PCDHGA4: variants seen among roughly 807,000 people sequenced by gnomAD.
The protein encoded by PCDHGA4 is protocadherin gamma subfamily A, 4.
A neutral mutation model predicts 54.6 loss-of-function variants in PCDHGA4; 38 were observed. The ratio of observed to expected loss-of-function variants is 0.70; its 90% CI spans 0.54 to 0.91. PCDHGA4 has a LOEUF of 0.91. Ranked by LOEUF, PCDHGA4 falls within the 40% of genes least tolerant of loss-of-function variation. PCDHGA4 has a pLI of 0.00. For synonymous variants in PCDHGA4, 511 were observed against 512.9 expected (o/e 1.00, Z 0.05); for missense variants, 1,298 against 1,220.9 (o/e 1.06, Z -0.94).
At chr5:141,397,810 A>G (rs2093570260) in intron 1 of PCDHGA4, among the ~76,000 whole-genome samples, 1 of 152,218 alleles carries the variant, frequency 6.6e-6, no homozygotes. Context: ...TAGGCACACA[A>G]AAACAATTAC....
At chr5:141,361,450 A>T in intron 1 of PCDHGA4, 1 of 1,613,960 alleles carries the variant, frequency 6.2e-7, no homozygotes, top group East Asian at 2.2e-5. Flanking sequence ...CATAATTGTC[A>T]CCCTGCACAT....
At chr5:141,428,147 G>C (rs771536400) in intron 1 of PCDHGA4, 1 of 1,589,612 alleles carries the variant, frequency 6.3e-7, no homozygotes, top group Admixed American at 1.7e-5. Flanking sequence ...GGCTGCACAC[G>C]GGAACCTGCT....
In PCDHGA4 at chr5:141,398,664, A is replaced by G. The variant is rs762356100; in HGVS notation, c.2514+41043A>G. The G allele has an allele frequency of 4.3e-6, 7 of 1,612,604 alleles. No individual in the cohort carries two copies. In the East Asian group the frequency reaches 8.9e-5, roughly 21 times the overall value. ...AACTCTCTCTTAACCCAAGTTTCTC[A>G]TTAATAATTAAGGAGAAACAGGATG... On this transcript the variant is annotated intron_variant, in intron 1 of 3. Transcript: ENST00000571252.
rs1228836363 is a variant in PCDHGA4, at chr5:141,355,205, C to T, written c.98C>T (p.Ala33Val). Residue 33 changes from alanine to valine, a missense_variant, in exon 1 of 4, where the codon GCG becomes GTG. Physicochemically the swap from Ala to Val is moderately conservative, Grantham distance 64 (BLOSUM62 0). Transcript: ENST00000571252. ...CGACTCCGCGGCGGGGTTGTAATGG[C>T]GGCGCCTCCTGCTCGCCCAGACCAC... Reference protein sequence around the residue: ...HRRLRGGVVMAAPPARPDHTR... With the variant: ...HRRLRGGVVMVAPPARPDHTR... 2 of 1,597,330 alleles carry T rather than the reference C, an allele frequency of 1.3e-6. No individual in the cohort carries two copies. Among genetic ancestry groups the T allele is most frequent in the East Asian group, 2.2e-5 (1 of 44,694 alleles).
chr5:141,446,482 CT>C (rs112180482), intron 1 of PCDHGA4, among the ~76,000 whole-genome samples: 30,290 of 146,632 alleles, frequency 0.21, 3,322 homozygotes, highest in African/African-American at 0.31. Flanking sequence ...GGTCATCATT[CT>C]TTTTTTTTTT....
At chr5:141,399,315 T>C in intron 1 of PCDHGA4, 2 of 1,613,878 alleles carry the variant, frequency 1.2e-6, no homozygotes, top group Non-Finnish European at 8.5e-7. Flanking sequence ...CATCCAAAAA[T>C]TCGTATAAGT....
chr5:141,441,633 C>T, intron 1 of PCDHGA4: 1 of 226,756 alleles, frequency 4.4e-6, no homozygotes, highest in Non-Finnish European at 8.9e-6. Flanking sequence ...CCTGGAGCCA[C>T]AGGCGCTGTG....
chr5:141,415,599 C>G (rs201075690), intron 1 of PCDHGA4: 321 of 1,613,514 alleles, frequency 2.0e-4, no homozygotes, highest in South Asian at 6.6e-4. Context: ...TAGAGGATAC[C>G]CCATTGGTTC....
chr5:141,413,352 G>C lies in PCDHGA4; in HGVS notation c.2514+55731G>C, dbSNP rs896091511. ...ACATCTCCAAGGACTTGGGTCTGGC[G>C]CCCCGGGAGCTGGCGGAGCGCGGAG... On this transcript the variant is annotated intron_variant, in intron 1 of 3. Coordinates refer to ENST00000571252, the MANE Select transcript of PCDHGA4 (RefSeq NM_018917.4). 1.9e-6 allele frequency: 3 copies of C among 1,613,858 alleles called. No homozygotes were observed. In the African/African-American group the frequency reaches 4.0e-5, roughly 22 times the overall value.
chr5:141,375,017 T>TC lies in PCDHGA4; in HGVS notation c.2514+17397dup, dbSNP rs772354381. The TC allele has an allele frequency of 6.2e-6, 10 of 1,614,032 alleles. No individual in the cohort carries two copies. The South Asian group carries it at 1.1e-4, about 18-fold the overall frequency. The stretch of plus-strand genomic sequence containing the variant: ...TTCTGCAAATCTAGACTATGAGGAC[T>TC]CGAGTTTTTATGAGCTGGGTGTTGA... On this transcript the variant is annotated intron_variant, in intron 1 of 3. Transcript: ENST00000571252.
intron 1 of PCDHGA4, chr5:141,423,368 C>A: frequency 3.1e-6 from 5 of 1,614,200 alleles, no homozygotes; most frequent in Non-Finnish European, 4.2e-6. Context: ...GTGCTGCTGG[C>A]ACTCAGGCTG....
chr5:141,392,762 G>A lies in PCDHGA4; in HGVS notation c.2514+35141G>A, dbSNP rs1033759244. 8.8e-6 allele frequency: 13 copies of A among 1,478,030 alleles called. No individual in the cohort carries two copies. The African/African-American group carries it at 1.3e-4, about 14-fold the overall frequency. The allele number at this position is 1,478,030 out of a possible 1,614,324, so 91.6% of individuals were successfully genotyped here. ...ATAGCTGCGGCAAGAAACTAAATAA[G>A]ACCCATTTATGCACAGTGAAGATTC... On this transcript the variant is annotated intron_variant, in intron 1 of 3. Coordinates refer to ENST00000571252, the MANE Select transcript of PCDHGA4 (RefSeq NM_018917.4).
chr5:141,476,697 C>T lies in PCDHGA4; in HGVS notation c.2515-18110C>T, dbSNP rs758302668. The T allele has an allele frequency of 2.5e-6, 4 of 1,614,110 alleles. No individual in the cohort carries two copies. The highest frequency in any genetic ancestry group is 2.2e-5 in the South Asian group (2 of 91,088). The stretch of plus-strand genomic sequence containing the variant: ...ACGCGGGAGGACAGCACCAAGTACG[C>T]GGAGCTGGTGTTGGAGCGCGCCCTG... On this transcript the variant is annotated intron_variant, in intron 1 of 3. Coordinates refer to ENST00000571252, the MANE Select transcript of PCDHGA4 (RefSeq NM_018917.4). The surrounding 1 kb of genome is among the most constrained non-coding windows in gnomAD (Gnocchi z 7.6).
In PCDHGA4 at chr5:141,394,383, C is replaced by G. The variant is rs2092989606; in HGVS notation, c.2514+36762C>G. The G allele has an allele frequency of 3.1e-6, 5 of 1,614,118 alleles. No homozygotes were observed. In the Admixed American group the frequency reaches 5.0e-5, roughly 16 times the overall value. ...TGCGCTGCAATCTTTCGACTATGAG[C>G]AGATCCGAGACCTGCAGCTACTGGT... On this transcript the variant is annotated intron_variant, in intron 1 of 3. Transcript: ENST00000571252.
chr5:141,409,014 AG>A, intron 1 of PCDHGA4: 1 of 1,614,014 alleles, frequency 6.2e-7, no homozygotes, highest in Non-Finnish European at 8.5e-7. Context: ...GACCAGGATG[AG>A]GGGGTCAATG....
At chr5:141,400,234 G>A (rs749957043) in intron 1 of PCDHGA4, 11 of 1,613,984 alleles carry the variant, frequency 6.8e-6, no homozygotes, top group East Asian at 6.7e-5. Flanking sequence ...CCTCCTGGCC[G>A]TGATTCTGGC....
chr5:141,410,410 A>G, intron 1 of PCDHGA4: 1 of 1,613,986 alleles, frequency 6.2e-7, no homozygotes, highest in Non-Finnish European at 8.5e-7. Context: ...TCAAGTCTGG[A>G]CCTGTAGTTC....
intron 1 of PCDHGA4, among the ~76,000 whole-genome samples, chr5:141,482,793 C>T (rs900216099): frequency 3.9e-5 from 5 of 128,974 alleles, no homozygotes; most frequent in Non-Finnish European, 8.1e-5. Flanking sequence ...TGTGTGTGGC[C>T]GGGTACGGTG....
chr5:141,477,861 G>T lies in PCDHGA4; in HGVS notation c.2515-16946G>T. 6.2e-7 allele frequency: 1 copy of T among 1,612,714 alleles called. No homozygotes were observed. Among genetic ancestry groups the T allele is most frequent in the Non-Finnish European group, 8.5e-7 (1 of 1,179,590 alleles). ...GGGAGCTCGGTGGAGATGCTGCCTC[G>T]AGGTACCTCAGCTGGCCACCTAGTG... On this transcript the variant is annotated intron_variant, in intron 1 of 3. Coordinates refer to ENST00000571252, the MANE Select transcript of PCDHGA4 (RefSeq NM_018917.4). This position sits in a 1 kb window ranked among gnomAD's most constrained non-coding sequence, Gnocchi z 4.9.
Sources: gnomAD v4.1 joint callset for allele counts (sites outside exome capture counted in the v4.1 genomes callset) on GRCh38, gnomAD v4.1.1 for gene constraint, Gnocchi (gnomAD v3.1) non-coding constraint, MANE v1.5 for transcripts, NCBI Gene and HGNC (gene_info 2026-07-23, HGNC 2026-07-21) for gene names.